TRIO: variants seen among roughly 807,000 people sequenced by gnomAD.
TRIO encodes the protein trio Rho guanine nucleotide exchange factor.
Under a neutral mutation model 351.9 loss-of-function variants are expected in TRIO, and 58 were observed. The observed-to-expected ratio is 0.16, with a 90% CI of 0.13 to 0.21. The LOEUF (loss-of-function observed/expected upper bound fraction) is 0.21. Ranked by LOEUF, TRIO falls within the 10% of genes least tolerant of loss-of-function variation. The pLI is 1.00. For missense variants in TRIO, 3,201 were observed against 4,027.8 expected, an observed-to-expected ratio of 0.79 and a Z score of 5.56; for synonymous variants, 1,758 against 1,595.7, an observed-to-expected ratio of 1.10 and a Z score of -2.42.
At chr5:14,343,012 G>A (rs982808055) in intron 11 of TRIO, among the ~76,000 whole-genome samples, 1 of 149,648 alleles carries the variant, frequency 6.7e-6, no homozygotes, top group South Asian at 2.1e-4. Context: ...CTCCAAAGAT[G>A]TCATATCTTT....
chr5:14,277,402 T>G (rs1281718185), intron 2 of TRIO, among the ~76,000 whole-genome samples: 3 of 152,238 alleles, frequency 2.0e-5, no homozygotes, highest in African/African-American at 4.8e-5. Context: ...AATGAGCTGT[T>G]GTTTGGTTAC....
chr5:14,345,086 A>G (rs981185775), intron 11 of TRIO, among the ~76,000 whole-genome samples: 1 of 152,254 alleles, frequency 6.6e-6, no homozygotes, highest in African/African-American at 2.4e-5. Context: ...TCCTTTTATC[A>G]GAATAACTTA....
intron 33 of TRIO, among the ~76,000 whole-genome samples, chr5:14,410,618 ATTAG>A (rs375710899): frequency 8.9e-4 from 136 of 152,332 alleles, no homozygotes; most frequent in East Asian, 5.8e-3. Context: ...GATGTCTGTT[ATTAG>A]TTAGTTGTTA....
chr5:14,329,603 G>C (rs1740721265), intron 9 of TRIO, among the ~76,000 whole-genome samples: 1 of 152,220 alleles, frequency 6.6e-6, no homozygotes, highest in African/African-American at 2.4e-5. Flanking sequence ...GTTAGAGCAG[G>C]CTGAATGGAC....
intron 34 of TRIO, among the ~76,000 whole-genome samples, chr5:14,426,180 G>T (rs146138903): frequency 9.2e-5 from 14 of 152,144 alleles, no homozygotes; most frequent in Non-Finnish European, 1.8e-4. Flanking sequence ...ATAAAATTCA[G>T]CTTCCTCACA....
rs1787299244 is a variant in TRIO at position 14,143,543 on chromosome 5, T to C, written c.-183T>C. Among the ~76,000 whole-genome samples the C allele has an allele frequency of 6.8e-6, 1 of 146,690 alleles. No homozygotes were observed. The highest frequency in any genetic ancestry group is 2.1e-4 in the South Asian group (1 of 4,762). On this transcript the variant is annotated 5_prime_UTR_variant, in exon 1 of 57. An upstream start codon of the reference 5' UTR is lost. Transcript: ENST00000344204. ...GGCTACCGGGCGGAGTCCTCGTCTA[T>C]GTGGGCGCGCTCCTTGGGCCGAGCC...
chr5:14,176,425 G>C (rs1336968383), intron 1 of TRIO, among the ~76,000 whole-genome samples: 1 of 152,080 alleles, frequency 6.6e-6, no homozygotes, highest in Non-Finnish European at 1.5e-5. Flanking sequence ...AGCCGAGATC[G>C]CGCCACCGCA....
chr5:14,467,589 G>T (rs748931030), intron 37 of TRIO, among the ~76,000 whole-genome samples: 1 of 152,136 alleles, frequency 6.6e-6, no homozygotes, highest in Admixed American at 6.5e-5. Flanking sequence ...GCCAAGGCAG[G>T]CATATTGCTT....
At chr5:14,387,686 T>C in intron 22 of TRIO, 46 bp from the exon 23 acceptor site, 1 of 1,610,056 alleles carries the variant, frequency 6.2e-7, no homozygotes, top group Middle Eastern at 1.7e-4. Context: ...TAACGCCCTC[T>C]CTGCTGATTT....
At position 14,281,424 on chromosome 5, in the gene TRIO, A is replaced by AC. The variant is rs3061076; in HGVS notation, c.347+1000dup. On this transcript the variant is annotated intron_variant, in intron 3 of 56. Coordinates refer to ENST00000344204, the MANE Select transcript of TRIO (RefSeq NM_007118.4). The stretch of plus-strand genomic sequence containing the variant: ...AGGGAGATGGTGCTAAGCCGTTAGA[A>AC]CCCCCCCCCCCCGCCCCGTGATCCA... 4.7e-3 allele frequency among the ~76,000 whole-genome samples: 421 copies of AC among 89,314 alleles called. 5 individuals carry two copies. The East Asian group carries it at 0.055, about 12-fold the overall frequency. 58.6% of individuals were successfully genotyped at this position (89,314 alleles called of 152,430 possible).
chr5:14,328,880 C>G (rs888436741), intron 9 of TRIO, among the ~76,000 whole-genome samples: 1 of 152,138 alleles, frequency 6.6e-6, no homozygotes, highest in African/African-American at 2.4e-5. Flanking sequence ...CCCCACACCT[C>G]CCACACGTCT....
chr5:14,249,560 C>G (rs531759287), intron 1 of TRIO, among the ~76,000 whole-genome samples: 20 of 152,226 alleles, frequency 1.3e-4, no homozygotes, highest in Non-Finnish European at 2.5e-4. Context: ...GCAGCTGGTC[C>G]GACCCCTTGG....
In TRIO at chr5:14,507,891, C is replaced by T. The variant is rs771926422; in HGVS notation, c.8763C>T (p.Ile2921=). 2 of 1,612,968 alleles carry T rather than the reference C, an allele frequency of 1.2e-6. No individual in the cohort carries two copies. Among genetic ancestry groups the T allele is most frequent in the African/African-American group, 1.3e-5 (1 of 74,990 alleles). The part of the protein sequence containing the change: ...IAHLDLKPEN[I]LVDESLAKPT... ...ATTCTGATTTCCAGCCTGAGAATAT[C>T]CTGGTGGATGAGAGTTTAGCCAAGC... Residue 2921 remains isoleucine, a synonymous_variant, in exon 57 of 57, where the codon ATC becomes ATT. Transcript: ENST00000344204.
intron 11 of TRIO, among the ~76,000 whole-genome samples, chr5:14,351,676 G>A (rs1743131029): frequency 6.6e-6 from 1 of 152,220 alleles, no homozygotes; most frequent in African/African-American, 2.4e-5. Flanking sequence ...TGAAGATAGA[G>A]TGCTCCAAGA....
At chr5:14,293,974 T>C (rs1177617293) in intron 6 of TRIO, among the ~76,000 whole-genome samples, 1 of 150,680 alleles carries the variant, frequency 6.6e-6, no homozygotes, top group Admixed American at 6.6e-5. Context: ...TAAAGCAATA[T>C]GAACCGGCCT....
intron 1 of TRIO, among the ~76,000 whole-genome samples, chr5:14,237,307 G>A (rs938349340): frequency 6.6e-6 from 1 of 152,172 alleles, no homozygotes; most frequent in Non-Finnish European, 1.5e-5. Context: ...AGACTTTGGA[G>A]CATTTTAGAT....
chr5:14,498,479 A>C, intron 52 of TRIO, 40 bp from the exon 53 acceptor site: 3 of 1,600,800 alleles, frequency 1.9e-6, no homozygotes, highest in Non-Finnish European at 2.6e-6. Flanking sequence ...CCACGTGCTC[A>C]GCTTTTCTGA....
At chr5:14,208,726 C>T (rs1273055893) in intron 1 of TRIO, among the ~76,000 whole-genome samples, 1 of 152,200 alleles carries the variant, frequency 6.6e-6, no homozygotes, top group African/African-American at 2.4e-5. Flanking sequence ...TTCAGTTAGT[C>T]ACAAGTGGAC....
chr5:14,407,990 A>G (rs1331381878), intron 33 of TRIO, among the ~76,000 whole-genome samples: 6 of 152,228 alleles, frequency 3.9e-5, no homozygotes, highest in East Asian at 3.8e-4. Flanking sequence ...TCATTCTCCA[A>G]TGCAAGTCAG....
Sources: allele counts gnomAD v4.1 joint callset (sites outside exome capture counted in the v4.1 genomes callset), GRCh38; gene constraint gnomAD v4.1.1; transcripts MANE v1.5; gene names NCBI Gene and HGNC (gene_info 2026-07-23, HGNC 2026-07-21).